Variants in MAPK10 observed in about 807,000 individuals in gnomAD.
MAPK10 encodes the protein JNK3 alpha protein kinase.
MAPK10 carries 25 observed loss-of-function variants against 59.3 expected under a neutral mutation model. The ratio of observed to expected loss-of-function variants is 0.42; its 90% confidence interval spans 0.31 to 0.59. MAPK10 has a LOEUF of 0.59. Among genes scored for constraint, MAPK10 ranks in the 20% least tolerant of loss-of-function variants. MAPK10 has a pLI of 0.15. For synonymous variants in MAPK10, 190 were observed against 200.5 expected (o/e 0.95, Z 0.44); for missense variants, 351 against 568.9 (o/e 0.62, Z 3.90).
intron 4 of MAPK10, among the ~76,000 whole-genome samples, chr4:86,134,838 C>G (rs1580954968): frequency 6.6e-6 from 1 of 152,148 alleles, no homozygotes; most frequent in African/African-American, 2.4e-5. Flanking sequence ...GCACCATGCA[C>G]GAGCCGAAGC....
chr4:86,278,614 A>T (rs550986336), intron 2 of MAPK10, among the ~76,000 whole-genome samples: 26 of 152,152 alleles, frequency 1.7e-4, no homozygotes, highest in Non-Finnish European at 3.4e-4. Context: ...AGAAGCATTA[A>T]CCTAGCAATT....
chr4:86,064,523 G>A (rs2046350873), intron 10 of MAPK10, 133 bp from the exon 11 acceptor site: 3 of 806,220 alleles, frequency 3.7e-6, no homozygotes, highest in African/African-American at 1.7e-5. Context: ...CCCTTGATGT[G>A]ATGGAAAAGA....
chr4:86,145,052 T>A (rs2064569871), intron 4 of MAPK10, among the ~76,000 whole-genome samples: 1 of 152,174 alleles, frequency 6.6e-6, no homozygotes, highest in Admixed American at 6.5e-5. Context: ...ATTAGTTTTA[T>A]CCTCCTTAAA....
chr4:86,507,633 T>TAC (rs1755860281), intron 1 of MAPK10, among the ~76,000 whole-genome samples: 1 of 64,808 alleles, frequency 1.5e-5, no homozygotes, highest in Non-Finnish European at 3.0e-5. Context: ...TATATATATA[T>TAC]ATATATATAT....
At chr4:86,075,699 A>G (rs938192837) in intron 9 of MAPK10, among the ~76,000 whole-genome samples, 16 of 149,202 alleles carry the variant, frequency 1.1e-4, no homozygotes, top group African/African-American at 3.5e-4. Flanking sequence ...TCCCAGTTAG[A>G]CTTCTCGGGG....
intron 1 of MAPK10, among the ~76,000 whole-genome samples, chr4:86,548,272 G>A (rs1000671119): frequency 6.6e-6 from 1 of 151,872 alleles, no homozygotes; most frequent in African/African-American, 2.4e-5. Context: ...TTTCACTCCT[G>A]AGCCAGCGAG....
chr4:86,162,979 A>T (rs2070334503), intron 3 of MAPK10, among the ~76,000 whole-genome samples: 1 of 152,164 alleles, frequency 6.6e-6, no homozygotes, highest in African/African-American at 2.4e-5. Flanking sequence ...ATTAAAAATC[A>T]TCATTACAAG....
At chr4:86,455,473 C>T (rs558121376), upstream of MAPK10, among the ~76,000 whole-genome samples, 3 of 152,170 alleles carry the variant, frequency 2.0e-5, no homozygotes, top group East Asian at 3.9e-4. Context: ...ACATTCCATG[C>T]GAATGGACAC....
intron 3 of MAPK10, among the ~76,000 whole-genome samples, chr4:86,159,710 TC>T (rs1320943623): frequency 6.6e-6 from 1 of 152,026 alleles, no homozygotes; most frequent in Non-Finnish European, 1.5e-5. Flanking sequence ...AATAGACTAA[TC>T]TTAGATTTGA....
chr4:86,569,560 A>G (rs1761307600), intron 1 of MAPK10, among the ~76,000 whole-genome samples: 1 of 152,144 alleles, frequency 6.6e-6, no homozygotes, highest in South Asian at 2.1e-4. Flanking sequence ...CTACCTACCT[A>G]CCTACCTGTG....
chr4:86,342,169 T>C (rs930955197), intron 2 of MAPK10, among the ~76,000 whole-genome samples: 8 of 152,080 alleles, frequency 5.3e-5, no homozygotes, highest in Admixed American at 2.0e-4. Context: ...GTCAGAATAA[T>C]GATGTCCCTG....
At chr4:86,547,327 C>A (rs1246750194) in intron 1 of MAPK10, among the ~76,000 whole-genome samples, 1 of 152,304 alleles carries the variant, frequency 6.6e-6, no homozygotes, top group East Asian at 1.9e-4. Context: ...GAGGGAGAGG[C>A]GCTGGGGGGA....
intron 1 of MAPK10, among the ~76,000 whole-genome samples, chr4:86,526,353 C>T (rs867289323): frequency 3.3e-5 from 5 of 152,102 alleles, no homozygotes; most frequent in African/African-American, 4.8e-5. Context: ...CTAGCTTGTG[C>T]GCCTAGAGGT....
At chr4:86,295,989 A>G (rs993355654) in intron 2 of MAPK10, among the ~76,000 whole-genome samples, 1 of 151,130 alleles carries the variant, frequency 6.6e-6, no homozygotes, top group African/African-American at 2.4e-5. Context: ...CGACCTGGCC[A>G]ACATGGTGAA....
intron 1 of MAPK10, among the ~76,000 whole-genome samples, chr4:86,407,248 A>T (rs898721396): frequency 1.3e-5 from 2 of 152,164 alleles, no homozygotes; most frequent in Non-Finnish European, 2.9e-5. Context: ...TCCTTATTTT[A>T]AAAAAAGTAC....
At chr4:86,087,729 A>C (rs1407164502) in intron 9 of MAPK10, among the ~76,000 whole-genome samples, 1 of 152,126 alleles carries the variant, frequency 6.6e-6, no homozygotes. Flanking sequence ...TGAGTGCCTA[A>C]TACAGCCATT....
intron 2 of MAPK10, among the ~76,000 whole-genome samples, chr4:86,269,667 G>A (rs549143420): frequency 6.6e-6 from 1 of 152,082 alleles, no homozygotes; most frequent in East Asian, 1.9e-4. Context: ...TTCAAATACT[G>A]CAGCACTCTA....
chr4:86,570,492 AT>A (rs1290145453), intron 1 of MAPK10, among the ~76,000 whole-genome samples: 1 of 152,066 alleles, frequency 6.6e-6, no homozygotes, highest in African/African-American at 2.4e-5. Context: ...CCAAAAAAAA[AT>A]CATGGGAAAT....
At chr4:86,104,212 T>A (rs2056115773) in intron 5 of MAPK10, among the ~76,000 whole-genome samples, 3 of 152,116 alleles carry the variant, frequency 2.0e-5, no homozygotes, top group Admixed American at 2.0e-4. Flanking sequence ...TTCTATGGAA[T>A]GTTTTATGTC....
Sources: gnomAD v4.1 joint callset for allele counts (sites outside exome capture counted in the v4.1 genomes callset) on GRCh38, gnomAD v4.1.1 for gene constraint, MANE v1.5 for transcripts, NCBI Gene and HGNC (gene_info 2026-07-23, HGNC 2026-07-21) for gene names.